The following NLGN4Y variants were observed in gnomAD, a reference collection of about 807,000 sequenced individuals.
The protein encoded by NLGN4Y is neuroligin-4, Y-linked.
NLGN4Y carries 4 observed loss-of-function variants against 8.4 expected under a neutral mutation model. That is an observed-to-expected ratio of 0.48 (90% CI 0.23 to 1.09). The LOEUF (loss-of-function observed/expected upper bound fraction) is 1.09, where lower values mean the gene tolerates loss of function less well. NLGN4Y is among the 50% of genes least tolerant of loss of function. NLGN4Y has a pLI of 0.19. For synonymous variants in NLGN4Y, 35 were observed against 75.6 expected (o/e 0.46, Z 2.78); for missense variants, 90 against 192.3 (o/e 0.47, Z 3.15).
chrY:14,598,416 T>C (rs866638254), intron 1 of NLGN4Y, among the ~76,000 whole-genome samples: 12 of 33,652 alleles, frequency 3.6e-4, no homozygotes, highest in Non-Finnish European at 6.0e-4. Flanking sequence ...GTACTCAGTA[T>C]ACCCTCCACA....
At chrY:14,620,204 C>G in intron 1 of NLGN4Y, among the ~76,000 whole-genome samples, 1 of 33,068 alleles carries the variant, frequency 3.0e-5, no homozygotes, top group Non-Finnish European at 7.4e-5. Flanking sequence ...ATGGTCTCAC[C>G]TATTCTCTTG....
chrY:14,714,293 A>T, intron 2 of NLGN4Y, among the ~76,000 whole-genome samples: 2 of 33,651 alleles, frequency 5.9e-5, no homozygotes, highest in African/African-American at 2.3e-4. Context: ...TTGTAATTAC[A>T]TGGACAAATA....
chrY:14,755,459 G>A (rs2081053578), intron 4 of NLGN4Y, among the ~76,000 whole-genome samples: 11 of 33,401 alleles, frequency 3.3e-4, no homozygotes, highest in African/African-American at 1.2e-3. Flanking sequence ...CATGTTTTAT[G>A]TATTTGTGTT....
chrY:14,619,262 GCTGT>G (rs2080500073), intron 1 of NLGN4Y, among the ~76,000 whole-genome samples: 1 of 33,993 alleles, frequency 2.9e-5, no homozygotes, highest in East Asian at 7.9e-4. Flanking sequence ...TTCCACTTGA[GCTGT>G]CTGTTTCAGC....
intron 2 of NLGN4Y, among the ~76,000 whole-genome samples, chrY:14,677,487 T>C: frequency 2.2e-4 from 7 of 32,501 alleles, no homozygotes; most frequent in Non-Finnish European, 5.3e-4. Flanking sequence ...CAGCTCACAG[T>C]TCCCCGAGCA....
chrY:14,538,507 C>A, intron 1 of NLGN4Y, among the ~76,000 whole-genome samples: 1 of 33,995 alleles, frequency 2.9e-5, no homozygotes, highest in Non-Finnish European at 7.3e-5. Context: ...TTAAAAGCTG[C>A]ATTTGATGGT....
intron 2 of NLGN4Y, among the ~76,000 whole-genome samples, chrY:14,685,503 G>A: frequency 3.1e-5 from 1 of 32,601 alleles, no homozygotes; most frequent in Non-Finnish European, 7.5e-5. Context: ...TGACGTTGGC[G>A]TGAACACGAA....
chrY:14,647,282 ATATT>A (rs2080614088), intron 2 of NLGN4Y, among the ~76,000 whole-genome samples: 1 of 34,184 alleles, frequency 2.9e-5, no homozygotes, highest in Admixed American at 2.6e-4. Flanking sequence ...AAGACATGGG[ATATT>A]TAAAGAAGGG....
intron 1 of NLGN4Y, among the ~76,000 whole-genome samples, chrY:14,596,131 A>G (rs2080396364): frequency 3.0e-5 from 1 of 33,200 alleles, no homozygotes. Context: ...GTCCTCACTT[A>G]TAGGAAGGAT....
At chrY:14,651,417 T>A in intron 2 of NLGN4Y, among the ~76,000 whole-genome samples, 3 of 33,583 alleles carry the variant, frequency 8.9e-5, no homozygotes, top group African/African-American at 3.5e-4. Flanking sequence ...ACTTTAAGCA[T>A]TATGTATTAA....
intron 1 of NLGN4Y, among the ~76,000 whole-genome samples, chrY:14,607,013 C>T (rs748528893): frequency 2.5e-4 from 8 of 32,352 alleles, no homozygotes; most frequent in Admixed American, 1.7e-3. Context: ...CTTGTGAAAT[C>T]CATTTTAGTT....
chrY:14,544,694 G>A, intron 1 of NLGN4Y, among the ~76,000 whole-genome samples: 2 of 33,100 alleles, frequency 6.0e-5, no homozygotes, highest in Non-Finnish European at 1.5e-4. Context: ...TGAGGACAGT[G>A]CATTAGTTAT....
At chrY:14,751,188 T>C in intron 4 of NLGN4Y, among the ~76,000 whole-genome samples, 1 of 33,954 alleles carries the variant, frequency 2.9e-5, no homozygotes. Context: ...TTATTCCTAA[T>C]TGATACAGAT....
intron 4 of NLGN4Y, among the ~76,000 whole-genome samples, chrY:14,805,410 A>G: frequency 3.0e-5 from 1 of 33,443 alleles, no homozygotes; most frequent in South Asian, 6.9e-4. Context: ...GCTACTGGCT[A>G]TTAACGTGGA....
intron 2 of NLGN4Y, among the ~76,000 whole-genome samples, chrY:14,676,403 A>G (rs2080749335): frequency 3.0e-5 from 1 of 33,629 alleles, no homozygotes; most frequent in Non-Finnish European, 7.4e-5. Context: ...TGATGATCCT[A>G]TATCAATATG....
At chrY:14,737,307 A>G in intron 4 of NLGN4Y, among the ~76,000 whole-genome samples, 1 of 33,672 alleles carries the variant, frequency 3.0e-5, no homozygotes, top group African/African-American at 1.2e-4. Flanking sequence ...ATAAGGTATC[A>G]TCAGGAAGAA....
chrY:14,610,324 T>C (rs2080461981), intron 1 of NLGN4Y, among the ~76,000 whole-genome samples: 1 of 33,688 alleles, frequency 3.0e-5, no homozygotes, highest in Admixed American at 2.7e-4. Context: ...TCTTTCTTGC[T>C]TTCTCTTGTG....
Position 14,818,067 on chromosome Y carries a change from C to A in NLGN4Y, c.686-6121C>A, listed in dbSNP as rs199923579. 1.2e-3 allele frequency among the ~76,000 whole-genome samples: 38 copies of A among 31,996 alleles called. No homozygotes were observed. In the East Asian group the frequency reaches 0.03, roughly 26 times the overall value. The allele number at this position is 31,996 out of a possible 37,273, so 85.8% of individuals were successfully genotyped here. On this transcript the variant is annotated intron_variant, in intron 4 of 6. Coordinates refer to ENST00000684976, the MANE Select transcript of NLGN4Y (RefSeq NM_001365588.1). ...CTATAATTGTTTATGAGCTTCAGAC[C>A]TTAAGGGATATTGCCTTTGATAAGG...
intron 2 of NLGN4Y, among the ~76,000 whole-genome samples, chrY:14,701,851 A>G (rs2080849376): frequency 3.0e-5 from 1 of 33,192 alleles, no homozygotes; most frequent in Non-Finnish European, 7.4e-5. Context: ...TGAGGAAATT[A>G]GGATGTCGAT....
Sources: gnomAD v4.1 joint callset for allele counts (sites outside exome capture counted in the v4.1 genomes callset) on GRCh38, gnomAD v4.1.1 for gene constraint, MANE v1.5 for transcripts, NCBI Gene and HGNC (gene_info 2026-07-23, HGNC 2026-07-21) for gene names.